The following KLK2 variants were observed in gnomAD, a reference collection of about 807,000 sequenced individuals.
The protein encoded by KLK2 is kallikrein related peptidase 2.
KLK2 carries 17 observed loss-of-function variants against 23.0 expected under a neutral mutation model. That is an observed-to-expected ratio of 0.74 (90% CI 0.51 to 1.11). KLK2 has a LOEUF of 1.11. KLK2 is among the 50% of genes least tolerant of loss of function. The pLI is 0.00. For missense variants in KLK2, 330 were observed against 325.9 expected (o/e 1.01, Z -0.10); for synonymous variants, 140 against 124.7 (o/e 1.12, Z -0.82).
intron 4 of KLK2, chr19:50,877,489 G>A (rs1235824830): frequency 3.9e-5 from 7 of 179,090 alleles, no homozygotes; most frequent in Non-Finnish European, 7.1e-5. Context: ...CGCTGCAGGG[G>A]AGGGGAGAGC....
rs142728568 is a variant in KLK2 at position 50,874,341 on chromosome 19, T to A, written c.47-380T>A. 219 of 172,784 alleles carry A rather than the reference T, an allele frequency of 1.3e-3. 3 individuals are homozygous for A. The Admixed American group carries it at 0.013, about 10-fold the overall frequency. 10.7% of individuals were successfully genotyped at this position (172,784 alleles called of 1,614,324 possible). A position where few individuals can be genotyped will look rare whatever the true frequency, so the allele number is the denominator to read the frequency against. The stretch of plus-strand genomic sequence containing the variant: ...AACCTCTCCACTGGGCACTTATCCT[T>A]GGTTTCTGGAACCTCTTATTCTCTT... On this transcript the variant is annotated intron_variant, in intron 1 of 4. Coordinates refer to ENST00000325321, the MANE Select transcript of KLK2 (RefSeq NM_005551.5).
rs781350069 is a variant in KLK2 at position 50,878,491 on chromosome 19, C to T, written c.718C>T (p.Pro240Ser). 1.6e-5 allele frequency: 26 copies of T among 1,613,996 alleles called. No individual in the cohort carries two copies. The highest frequency in any genetic ancestry group is 3.3e-5 in the South Asian group (3 of 91,084). ...GPEPCALPEK[P>S]AVYTKVVHYR... ...TGAGCCATGTGCCCTGCCTGAAAAG[C>T]CTGCTGTGTACACCAAGGTGGTGCA... Residue 240 changes from proline (P) to serine (S), a missense_variant, in exon 5 of 5, where the codon CCT (proline) becomes TCT (serine). Coordinates refer to ENST00000325321, the MANE Select transcript of KLK2 (RefSeq NM_005551.5).
chr19:50,876,739 C>A lies in KLK2; in HGVS notation c.474C>A (p.Gly158=), dbSNP rs2090293026. 6.2e-7 allele frequency: 1 copy of A among 1,614,010 alleles called. No homozygotes were observed. The highest frequency in any genetic ancestry group is 1.7e-5 in the Admixed American group (1 of 60,004). The change falls in exon 3 of 5, where the codon GGC becomes GGA. Residue 158 remains glycine, a synonymous_variant. Transcript: ENST00000325321. ...CCACCTGCTACGCCTCAGGCTGGGG[C>A]AGCATCGAACCAGAGGAGTGTACGC... The part of the protein sequence containing the change: ...LGTTCYASGW[G]SIEPEEFLRP...
In KLK2 at chr19:50,873,529, G is replaced by T; in HGVS notation, c.46+10G>T. On this transcript the variant is annotated intron_variant, in intron 1 of 4. Coordinates refer to ENST00000325321, the MANE Select transcript of KLK2 (RefSeq NM_005551.5). ...TCTGTGGGGTGCACTGGTGAGATTGGGGGGATAAAGGAAGGGGGGCGGGTT... is the reference window on the plus strand; with the variant it reads ...TCTGTGGGGTGCACTGGTGAGATTGTGGGGATAAAGGAAGGGGGGCGGGTT... 7.0e-7 allele frequency: 1 copy of T among 1,435,380 alleles called. No individual in the cohort carries two copies. 88.9% of individuals were successfully genotyped at this position (1,435,380 alleles called of 1,614,324 possible).
chr19:50,876,787 G>T (rs767035816), intron 3 of KLK2, 29 bp downstream of exon 3: 2 of 1,610,972 alleles, frequency 1.2e-6, no homozygotes, highest in South Asian at 2.2e-5. Context: ...GTGTAGCTGG[G>T]AGCCCAGATG....
At chr19:50,875,065 T>G in intron 2 of KLK2, 185 bp downstream of exon 2, 2 of 1,196,658 alleles carry the variant, frequency 1.7e-6, no homozygotes, top group Non-Finnish European at 2.2e-6. Context: ...CTGCCTGGGT[T>G]TCTCTCTGTG....
At chr19:50,874,535 C>T in intron 1 of KLK2, 186 bp from the exon 2 acceptor site, 1 of 540,162 alleles carries the variant, frequency 1.9e-6, no homozygotes, top group Non-Finnish European at 3.3e-6. Flanking sequence ...CGACCTGGTC[C>T]AGCCACCAAC....
chr19:50,876,763 G>T lies in KLK2; in HGVS notation c.493+5G>T. On this transcript the variant is annotated splice_donor_5th_base_variant and intron_variant, in intron 3 of 4. Transcript: ENST00000325321. ...GCAGCATCGAACCAGAGGAGTGTAC[G>T]CCTGGGCCAGATGGTGTAGCTGGGA... The T allele has an allele frequency of 6.2e-7, 1 of 1,613,436 alleles. No homozygotes were observed.
intron 2 of KLK2, chr19:50,875,686 T>G (rs2090276333): frequency 6.6e-6 from 1 of 152,358 alleles, no homozygotes; most frequent in Admixed American, 6.6e-5. Context: ...GTAATCCCAA[T>G]TACTAGGGAG....
chr19:50,873,797 T>C, intron 1 of KLK2: 1 of 503,022 alleles, frequency 2.0e-6, no homozygotes, highest in Non-Finnish European at 3.5e-6. Flanking sequence ...TTTCTCTTTA[T>C]GGGGTTCAAA....
In KLK2 at chr19:50,878,631, G is replaced by C; in HGVS notation, c.*72G>C. On this transcript the variant is annotated 3_prime_UTR_variant, in exon 5 of 5. Transcript: ENST00000325321. ...CGTTCTGGCATCACTTGGCCTTTCTGGATGCTGGACACCTGAAGCTTGGAA... is the reference window on the plus strand; with the variant it reads ...CGTTCTGGCATCACTTGGCCTTTCTCGATGCTGGACACCTGAAGCTTGGAA... 6.8e-7 allele frequency: 1 copy of C among 1,466,346 alleles called. No homozygotes were observed. The highest frequency in any genetic ancestry group is 9.4e-7 in the Non-Finnish European group (1 of 1,062,972). The allele number at this position is 1,466,346 out of a possible 1,614,324, so 90.8% of individuals were successfully genotyped here. A position where few individuals can be genotyped will look rare whatever the true frequency, so the allele number is the denominator to read the frequency against.
intron 2 of KLK2, among the ~76,000 whole-genome samples, chr19:50,875,301 A>G (rs1408108741): frequency 6.6e-6 from 1 of 151,952 alleles, no homozygotes; most frequent in Non-Finnish European, 1.5e-5. Context: ...TCACTACTGA[A>G]CACACCCCGT....
At chr19:50,874,067 G>A in intron 1 of KLK2, 1 of 153,194 alleles carries the variant, frequency 6.5e-6, no homozygotes, top group East Asian at 1.9e-4. Context: ...TCTGGCACTG[G>A]GACTTTCAGA....
rs550360687 is a variant in KLK2, at chr19:50,874,737, C to G, written c.63C>G (p.Ile21Met). The G allele has an allele frequency of 1.4e-5, 23 of 1,611,688 alleles. No homozygotes were observed. The African/African-American group carries it at 2.8e-4, about 20-fold the overall frequency. Reference protein sequence around the residue: ...SVGCTGAVPLIQSRIVGGWEC... With the variant: ...SVGCTGAVPLMQSRIVGGWEC... ...CCTCCGCAGGTGCCGTGCCCCTCAT[C>G]CAGTCTCGGATTGTGGGAGGCTGGG... The change falls in exon 2 of 5, where the codon ATC becomes ATG. Residue 21 changes from isoleucine (I) to methionine (M), a missense_variant. Coordinates refer to ENST00000325321, the MANE Select transcript of KLK2 (RefSeq NM_005551.5).
At chr19:50,874,636 A>C in intron 1 of KLK2, 85 bp from the exon 2 acceptor site, 1 of 1,172,262 alleles carries the variant, frequency 8.5e-7, no homozygotes, top group Non-Finnish European at 1.2e-6. Context: ...CTCTGCCCCC[A>C]TGTCTCTTCA....
chr19:50,874,711 C>T lies in KLK2; in HGVS notation c.47-10C>T, dbSNP rs767912808. 3.4e-5 allele frequency: 54 copies of T among 1,604,658 alleles called. No individual in the cohort carries two copies. Among genetic ancestry groups the T allele is most frequent in the Non-Finnish European group, 4.3e-5 (51 of 1,175,792 alleles). On this transcript the variant is annotated splice_polypyrimidine_tract_variant and intron_variant, in intron 1 of 4. Coordinates refer to ENST00000325321, the MANE Select transcript of KLK2 (RefSeq NM_005551.5). ...GGTCTGATCCCCCTGACCCAGCACC[C>T]CCTCCGCAGGTGCCGTGCCCCTCAT... is the stretch of plus-strand genomic sequence containing the variant.
At chr19:50,873,770 T>A (rs752617003) in intron 1 of KLK2, 36 of 530,716 alleles carry the variant, frequency 6.8e-5, no homozygotes, top group Non-Finnish European at 9.3e-5. Context: ...AAGAGCAAGT[T>A]CCTGGGCATC....
intron 1 of KLK2, 108 bp from the exon 2 acceptor site, chr19:50,874,613 C>A: frequency 1.1e-6 from 1 of 877,634 alleles, no homozygotes; most frequent in Non-Finnish European, 1.8e-6. Flanking sequence ...GTCCTGGACT[C>A]CCAGTCCTGG....
Position 50,879,289 on chromosome 19 carries a change from A to G in KLK2, c.*730A>G, listed in dbSNP as rs760292011. 11 of 232,566 alleles carry G rather than the reference A, an allele frequency of 4.7e-5. No homozygotes were observed. The highest frequency in any genetic ancestry group is 2.3e-4 in the Admixed American group (4 of 17,776). The allele number at this position is 232,566 out of a possible 1,614,324, so 14.4% of individuals were successfully genotyped here. On this transcript the variant is annotated 3_prime_UTR_variant, in exon 5 of 5. Transcript: ENST00000325321. Reference sequence around the variant, plus strand: ...ATACTGAAATCAGCAAACAAAACAGATGTATAGATTAGAGTGTGGAGAAAA... The same window carrying G: ...ATACTGAAATCAGCAAACAAAACAGGTGTATAGATTAGAGTGTGGAGAAAA...
Sources: gnomAD v4.1 joint callset for allele counts (sites outside exome capture counted in the v4.1 genomes callset) on GRCh38, gnomAD v4.1.1 for gene constraint, MANE v1.5 for transcripts, NCBI Gene and HGNC (gene_info 2026-07-23, HGNC 2026-07-21) for gene names.